Variants in KATNAL1 observed in about 807,000 individuals in gnomAD.
KATNAL1 encodes the protein katanin p60 ATPase-containing subunit A-like 1.
KATNAL1 carries 32 observed loss-of-function variants against 55.2 expected under a neutral mutation model. The observed-to-expected ratio is 0.58, with a 90% CI of 0.44 to 0.78. The LOEUF (loss-of-function observed/expected upper bound fraction) is 0.78, where lower values mean the gene tolerates loss of function less well. Ranked by LOEUF, KATNAL1 falls within the 30% of genes least tolerant of loss-of-function variation. The pLI, the probability that KATNAL1 is intolerant of heterozygous loss-of-function variation, is 0.00. For synonymous variants in KATNAL1, 193 were observed against 193.6 expected, an observed-to-expected ratio of 1.00 and a Z score of 0.02; for missense variants, 466 against 600.9, an observed-to-expected ratio of 0.78 and a Z score of 2.35.
intron 3 of KATNAL1, among the ~76,000 whole-genome samples, chr13:30,266,729 T>C (rs191261539): frequency 2.1e-3 from 320 of 152,362 alleles, no homozygotes; most frequent in Non-Finnish European, 3.1e-3. Flanking sequence ...ATGCCTAGCC[T>C]TAATTTTAAA....
chr13:30,296,155 A>G, intron 1 of KATNAL1: 1 of 526,832 alleles, frequency 1.9e-6, no homozygotes. Flanking sequence ...TCATGGCCTC[A>G]GGTAATGCGT....
chr13:30,257,285 G>A (rs1054438), intron 3 of KATNAL1, among the ~76,000 whole-genome samples: 3,821 of 152,052 alleles, frequency 0.025, 70 homozygotes, highest in Middle Eastern at 0.054. Context: ...CAGATTTATG[G>A]GTATGGCCAA....
At chr13:30,269,558 TGCC>T in intron 3 of KATNAL1, among the ~76,000 whole-genome samples, 1 of 145,912 alleles carries the variant, frequency 6.9e-6, no homozygotes, top group African/African-American at 2.6e-5. Flanking sequence ...GGAGCCCCTC[TGCC>T]TGGCTGCCCA....
chr13:30,255,531 T>C lies in KATNAL1; in HGVS notation c.408A>G (p.Val136=). ...TCTTTGATATAGGATGTGCTCGGCC[T>C]ACAGGTCCCCGGGCTCCTACTCCTG... ...EMAGVGARGP[V]GRAHPISKSE... is the part of the protein sequence containing the mutation. The change falls in exon 4 of 11, where the codon GTA becomes GTG. Residue 136 remains valine, a synonymous_variant. Transcript: ENST00000380615. 2 of 1,598,556 alleles carry C rather than the reference T, an allele frequency of 1.3e-6. No individual in the cohort carries two copies. The highest frequency in any genetic ancestry group is 1.7e-6 in the Non-Finnish European group (2 of 1,172,462).
rs1478780136 is a variant in KATNAL1 at position 30,281,130 on chromosome 13, AAAAAAAAG to A, written c.163-915_163-908del. On this transcript the variant is annotated intron_variant, in intron 2 of 10. Transcript: ENST00000380615. ...AGAGCAAGAATCCATGTCAAAAAAA[AAAAAAAAG>A]AAAAGAAAAGAAAATTACAATTATA... Among the ~76,000 whole-genome samples the A allele has an allele frequency of 1.8e-4, 26 of 148,404 alleles. 1 individual carries two copies. The highest frequency in any genetic ancestry group is 1.2e-3 in the Admixed American group (18 of 14,708).
At chr13:30,289,226 C>T (rs551680651) in intron 1 of KATNAL1, among the ~76,000 whole-genome samples, 1 of 152,318 alleles carries the variant, frequency 6.6e-6, no homozygotes, top group Non-Finnish European at 1.5e-5. Context: ...TCTGTCAACT[C>T]ATCAAAAGCC....
At chr13:30,250,051 C>A (rs1878156323) in intron 4 of KATNAL1, among the ~76,000 whole-genome samples, 2 of 152,164 alleles carry the variant, frequency 1.3e-5, no homozygotes, top group Non-Finnish European at 2.9e-5. Context: ...TTTATTGTAT[C>A]TCTATGGTGG....
intron 6 of KATNAL1, among the ~76,000 whole-genome samples, chr13:30,234,396 C>T (rs1876445501): frequency 6.6e-6 from 1 of 152,130 alleles, no homozygotes; most frequent in South Asian, 2.1e-4. Context: ...ATTTACTAAC[C>T]TAATGGTCAC....
chr13:30,287,857 A>C (rs1881893118), intron 1 of KATNAL1, among the ~76,000 whole-genome samples: 1 of 152,218 alleles, frequency 6.6e-6, no homozygotes, highest in South Asian at 2.1e-4. Flanking sequence ...TTTTCCTGTA[A>C]AAGACCTAAC....
At chr13:30,290,114 A>G (rs1199491792) in intron 1 of KATNAL1, among the ~76,000 whole-genome samples, 8 of 152,180 alleles carry the variant, frequency 5.3e-5, no homozygotes, top group African/African-American at 1.9e-4. Flanking sequence ...CAGTTTGCCG[A>G]CTCTTGCTTT....
At chr13:30,264,495 T>C (rs1400868235) in intron 3 of KATNAL1, among the ~76,000 whole-genome samples, 2 of 149,834 alleles carry the variant, frequency 1.3e-5, no homozygotes, top group African/African-American at 4.9e-5. Flanking sequence ...AGGGCTAATA[T>C]CCAGAATCTA....
At position 30,225,091 on chromosome 13, in the gene KATNAL1, G is replaced by A. The variant is rs74321636; in HGVS notation, c.1147+2321C>T. Among the ~76,000 whole-genome samples the A allele has an allele frequency of 2.0e-3, 310 of 152,210 alleles. 1 individual carries two copies. Among genetic ancestry groups the A allele is most frequent in the African/African-American group, 7.0e-3 (292 of 41,530 alleles). ...TTCCTTCACCTTTTTTGACTTTTGA[G>A]CCAGGTATACATTTAGCTAGCTTCT... On this transcript the variant is annotated intron_variant, in intron 9 of 10. Coordinates refer to ENST00000380615, the MANE Select transcript of KATNAL1 (RefSeq NM_032116.5).
chr13:30,213,397 G>A (rs957340271), intron 9 of KATNAL1, among the ~76,000 whole-genome samples: 1 of 152,152 alleles, frequency 6.6e-6, no homozygotes, highest in African/African-American at 2.4e-5. Flanking sequence ...AATAGAAAAA[G>A]AGGGAATCCT....
At chr13:30,215,167 GA>G (rs561840089) in intron 9 of KATNAL1, among the ~76,000 whole-genome samples, 1 of 151,486 alleles carries the variant, frequency 6.6e-6, no homozygotes, top group Non-Finnish European at 1.5e-5. Context: ...AAAAACACAT[GA>G]AAAAAATGCT....
At chr13:30,231,105 CT>C (rs1220364334) in intron 7 of KATNAL1, among the ~76,000 whole-genome samples, 1 of 152,176 alleles carries the variant, frequency 6.6e-6, no homozygotes, top group Non-Finnish European at 1.5e-5. Context: ...GCCAAAAGGC[CT>C]TGCTTTACCT....
chr13:30,288,844 T>A (rs1881958959), intron 1 of KATNAL1, among the ~76,000 whole-genome samples: 1 of 152,242 alleles, frequency 6.6e-6, no homozygotes, highest in South Asian at 2.1e-4. Flanking sequence ...TTCCTAGAAC[T>A]GACAATGGTT....
rs961110319 is a variant in KATNAL1, at chr13:30,207,082, T to G, written c.*1458A>C. On this transcript the variant is annotated 3_prime_UTR_variant, in exon 11 of 11. Coordinates refer to ENST00000380615, the MANE Select transcript of KATNAL1 (RefSeq NM_032116.5). ...ACCTTCTTAGTATCTTGGTTAAATG[T>G]CCAAAAAGCTGTATTATTTTTAGTT... 1.3e-5 allele frequency: 2 copies of G among 152,208 alleles called. No individual in the cohort carries two copies. The highest frequency in any genetic ancestry group is 4.8e-5 in the African/African-American group (2 of 41,456). The allele number at this position is 152,208 out of a possible 1,614,324, so 9.4% of individuals were successfully genotyped here.
intron 9 of KATNAL1, among the ~76,000 whole-genome samples, chr13:30,223,391 C>A (rs1383516289): frequency 2.8e-5 from 4 of 143,112 alleles, no homozygotes; most frequent in Non-Finnish European, 4.5e-5. Context: ...GCAGTGAGCC[C>A]AGATCCTGCC....
At chr13:30,246,176 A>G (rs976038254) in intron 4 of KATNAL1, among the ~76,000 whole-genome samples, 7 of 152,110 alleles carry the variant, frequency 4.6e-5, no homozygotes, top group African/African-American at 1.7e-4. Flanking sequence ...CCAAAACAGC[A>G]TGGTGGTACC....
Sources: gnomAD v4.1 joint callset for allele counts (sites outside exome capture counted in the v4.1 genomes callset) on GRCh38, gnomAD v4.1.1 for gene constraint, MANE v1.5 for transcripts, NCBI Gene and HGNC (gene_info 2026-07-23, HGNC 2026-07-21) for gene names.